IL16: variants seen among roughly 807,000 people sequenced by gnomAD.
The protein encoded by IL16 is pro-interleukin-16.
A neutral mutation model predicts 110.1 loss-of-function variants in IL16; 67 were observed. The observed-to-expected ratio is 0.61, with a 90% CI of 0.50 to 0.75. IL16 has a LOEUF of 0.75. Among genes scored for constraint, IL16 ranks in the 30% least tolerant of loss-of-function variants. The probability of loss-of-function intolerance (pLI) is 0.00; values close to 1 mark genes in which losing one functional copy is unlikely to be tolerated. For missense variants in IL16, 1,545 were observed against 1,655.0 expected (o/e 0.93, Z 1.15); for synonymous variants, 689 against 662.9 (o/e 1.04, Z -0.61).
At chr15:81,200,802 T>C (rs945382875) in intron 1 of IL16, among the ~76,000 whole-genome samples, 4 of 152,192 alleles carry the variant, frequency 2.6e-5, no homozygotes, top group Non-Finnish European at 5.9e-5. Context: ...GATGGCCTTC[T>C]TCCCATTATC....
chr15:81,242,731 G>A (rs1302528942), intron 2 of IL16, among the ~76,000 whole-genome samples: 1 of 152,002 alleles, frequency 6.6e-6, no homozygotes, highest in African/African-American at 2.4e-5. Context: ...ATTGTAGTAA[G>A]TAGAACTTCC....
chr15:81,246,375 T>C (rs1031970683), intron 2 of IL16, among the ~76,000 whole-genome samples: 5 of 152,206 alleles, frequency 3.3e-5, no homozygotes, highest in Non-Finnish European at 7.3e-5. Flanking sequence ...TACTTTTCTA[T>C]TCTCTCTTTC....
rs541690334 is a variant in IL16, at chr15:81,297,018, A to G, written c.1993A>G (p.Ile665Val). 1.9e-5 allele frequency: 31 copies of G among 1,614,014 alleles called. No homozygotes were observed. The highest frequency in any genetic ancestry group is 2.3e-5 in the Non-Finnish European group (27 of 1,179,990). Reference sequence around the variant, plus strand: ...CTCTGCCGGCTGCCCAGGACCTGGTATCGGCCCACAGACCAAGTCCTCCAC... The same window carrying G: ...CTCTGCCGGCTGCCCAGGACCTGGTGTCGGCCCACAGACCAAGTCCTCCAC... ...SASAGCPGPG[I>V]GPQTKSSTEG... The change falls in exon 13 of 19, where the codon ATC becomes GTC. Residue 665 changes from isoleucine to valine, a missense_variant. This residue lies in a region of IL16 where 1,185 missense variants were observed against 1,238.8 expected (regional missense o/e 0.96). Transcript: ENST00000683961.
In IL16 at chr15:81,309,003, G is replaced by A. The variant is rs1596063833; in HGVS notation, c.*205G>A. The A allele has an allele frequency of 6.2e-6, 3 of 485,022 alleles. No homozygotes were observed. In the East Asian group the frequency reaches 1.0e-4, roughly 17 times the overall value. The allele number at this position is 485,022 out of a possible 1,614,324, so 30.0% of individuals were successfully genotyped here. A position where few individuals can be genotyped will look rare whatever the true frequency, so the allele number is the denominator to read the frequency against. Reference sequence around the variant, plus strand: ...AAAATAAGGGCAGAGTCACACGGGGGCAGCTGATACAAATTGCAGACTGTG... The same window carrying A: ...AAAATAAGGGCAGAGTCACACGGGGACAGCTGATACAAATTGCAGACTGTG... On this transcript the variant is annotated 3_prime_UTR_variant, in exon 19 of 19. Coordinates refer to ENST00000683961, the MANE Select transcript of IL16 (RefSeq NM_172217.5).
chr15:81,305,130 A>G (rs1900485994), intron 16 of IL16, among the ~76,000 whole-genome samples: 1 of 152,176 alleles, frequency 6.6e-6, no homozygotes, highest in Non-Finnish European at 1.5e-5. Context: ...GAGACCGAGA[A>G]TTTCTCTATG....
At position 81,301,428 on chromosome 15, in the gene IL16, T is replaced by G; in HGVS notation, c.3234T>G (p.Gly1078=). The G allele has an allele frequency of 6.2e-7, 1 of 1,614,146 alleles. No homozygotes were observed. Among genetic ancestry groups the G allele is most frequent in the Non-Finnish European group, 8.5e-7 (1 of 1,179,966 alleles). Reference sequence around the variant, plus strand: ...GGGACCACAGTTCCCTTCAGTCTGGTCAGTCCGTTATCTCCCTGCTGAGCT... The same window carrying G: ...GGGACCACAGTTCCCTTCAGTCTGGGCAGTCCGTTATCTCCCTGCTGAGCT... ...DDGDHSSLQS[G]QSVISLLSSE... Residue 1078 remains glycine, a synonymous_variant, in exon 15 of 19, where the codon GGT becomes GGG. Transcript: ENST00000683961.
intron 8 of IL16, among the ~76,000 whole-genome samples, chr15:81,281,311 C>G (rs1399922711): frequency 6.6e-6 from 1 of 152,248 alleles, no homozygotes; most frequent in Admixed American, 6.5e-5. Context: ...TTCCCCCACA[C>G]TGTGCTCACT....
intron 6 of IL16, 22 bp downstream of exon 6, chr15:81,273,226 A>G (rs752328180): frequency 1.3e-6 from 2 of 1,530,162 alleles, no homozygotes; most frequent in Non-Finnish European, 1.8e-6. Flanking sequence ...AGCCCTTTTC[A>G]GACCATGGTG....
chr15:81,244,841 A>G (rs1897480426), intron 2 of IL16, among the ~76,000 whole-genome samples: 2 of 152,230 alleles, frequency 1.3e-5, no homozygotes, highest in South Asian at 4.1e-4. Context: ...CAGATCCCTG[A>G]GGCTTGGTTC....
At chr15:81,250,296 A>G (rs1336689752) in intron 2 of IL16, among the ~76,000 whole-genome samples, 1 of 152,070 alleles carries the variant, frequency 6.6e-6, no homozygotes, top group Non-Finnish European at 1.5e-5. Context: ...CAGCCTCACG[A>G]GTAGCTGGGA....
intron 2 of IL16, among the ~76,000 whole-genome samples, chr15:81,257,671 C>G (rs1157750062): frequency 6.6e-6 from 1 of 152,154 alleles, no homozygotes; most frequent in Non-Finnish European, 1.5e-5. Context: ...AAGCATAGAT[C>G]CTCCCTCTGC....
chr15:81,250,724 A>C (rs1401414197), intron 2 of IL16, among the ~76,000 whole-genome samples: 4 of 152,208 alleles, frequency 2.6e-5, no homozygotes, highest in African/African-American at 9.7e-5. Flanking sequence ...TAGGGTTGCC[A>C]ACTCTTGAAA....
rs562567553 is a variant in IL16 at position 81,275,548 on chromosome 15, AG to A, written c.790+2348del. On this transcript the variant is annotated intron_variant, in intron 6 of 18. Transcript: ENST00000683961. ...TTTGTACTTTTCTGTGTTTAAACAA[AG>A]GGGTGGGGGAAGGGTTGAAGTGGCA... 1.5e-3 allele frequency among the ~76,000 whole-genome samples: 226 copies of A among 152,026 alleles called. 1 individual carries two copies. The highest frequency in any genetic ancestry group is 2.5e-3 in the Non-Finnish European group (172 of 67,960).
At chr15:81,191,180 A>G (rs577842433) in intron 1 of IL16, among the ~76,000 whole-genome samples, 23 of 152,288 alleles carry the variant, frequency 1.5e-4, no homozygotes, top group African/African-American at 5.5e-4. Context: ...CATGAATTAA[A>G]CCAAGTGATT....
At chr15:81,188,372 G>A (rs541211011) in intron 1 of IL16, 10 of 456,240 alleles carry the variant, frequency 2.2e-5, no homozygotes, top group East Asian at 2.1e-4. Context: ...GGAGCACTGC[G>A]GGCGAGATGG....
chr15:81,269,569 C>G lies in IL16; in HGVS notation c.596C>G (p.Thr199Arg). Residue 199 changes from threonine to arginine, a missense_variant, in exon 5 of 19, where the codon ACA becomes AGA. By Grantham distance (71) the Thr-to-Arg change is moderately conservative. Around this residue, in one of 3 missense-constraint regions of IL16, gnomAD observed 1,185 missense variants for 1,238.8 expected, o/e 0.96. Transcript: ENST00000683961. ...GTSRPTRSLSTAQLVQPSGGL... is the reference protein window; with the variant it reads ...GTSRPTRSLSRAQLVQPSGGL... ...TCGAGACCAACACGGTCCCTGAGCA[C>G]AGCTCAGCTCGTGCAGCCATCTGGG... 1 of 1,614,058 alleles carries G rather than the reference C, an allele frequency of 6.2e-7. No individual in the cohort carries two copies. The highest frequency in any genetic ancestry group is 8.5e-7 in the Non-Finnish European group (1 of 1,179,916).
intron 8 of IL16, 87 bp downstream of exon 8, chr15:81,279,861 A>G: frequency 2.7e-6 from 3 of 1,122,130 alleles, no homozygotes; most frequent in African/African-American, 1.5e-5. Flanking sequence ...ATCAGTCCAG[A>G]GGTAGGGCAG....
At chr15:81,210,484 A>G (rs536033139) in intron 1 of IL16, among the ~76,000 whole-genome samples, 1 of 152,340 alleles carries the variant, frequency 6.6e-6, no homozygotes, top group African/African-American at 2.4e-5. Flanking sequence ...TGATTCTTCC[A>G]GTCCATGAGC....
At chr15:81,259,671 A>T (rs1350878525) in intron 2 of IL16, 101 bp from the exon 3 acceptor site, 1 of 700,630 alleles carries the variant, frequency 1.4e-6, no homozygotes, top group African/African-American at 1.8e-5. Context: ...GGGGAGACAG[A>T]TAATCTGAGT....
Sources: gnomAD v4.1 joint callset for allele counts (sites outside exome capture counted in the v4.1 genomes callset) on GRCh38, gnomAD v4.1.1 for gene constraint, gnomAD v4.1.1 regional missense constraint, MANE v1.5 for transcripts, NCBI Gene and HGNC (gene_info 2026-07-23, HGNC 2026-07-21) for gene names.